MIF4GD: variants seen among roughly 807,000 people sequenced by gnomAD.
The protein encoded by MIF4GD is MIF4G domain-containing protein.
MIF4GD carries 22 observed loss-of-function variants against 26.7 expected under a neutral mutation model. The observed-to-expected ratio is 0.82, with a 90% CI of 0.59 to 1.18. MIF4GD has a LOEUF of 1.18. MIF4GD is among the 50% of genes most tolerant of loss of function. The pLI, the probability that MIF4GD is intolerant of heterozygous loss-of-function variation, is 0.00. For missense variants in MIF4GD, 262 were observed against 279.6 expected (o/e 0.94, Z 0.45); for synonymous variants, 137 against 111.6 (o/e 1.23, Z -1.43).
chr17:75,269,291 C>G, intron 2 of MIF4GD: 1 of 1,602,598 alleles, frequency 6.2e-7, no homozygotes, highest in Non-Finnish European at 8.5e-7. Context: ...TAGGGCCTCC[C>G]AACAGGCTCG....
At chr17:75,269,240 T>C in intron 2 of MIF4GD, 3 of 1,285,086 alleles carry the variant, frequency 2.3e-6, no homozygotes, top group Non-Finnish European at 1.1e-6. Context: ...AAAGTGTTCT[T>C]ATACTACACA....
In MIF4GD at chr17:75,267,813, C is replaced by A; in HGVS notation, c.281G>T (p.Arg94Leu). The A allele has an allele frequency of 6.2e-7, 1 of 1,614,038 alleles. No homozygotes were observed. Among genetic ancestry groups the A allele is most frequent in the Non-Finnish European group, 8.5e-7 (1 of 1,180,014 alleles). ...QQEYQAREQL[R>L]ARSLQGWVCY... ...GACCCAGCCCTGCAGGGAGCGTGCT[C>A]GCAGCTGCTCCCGAGCCTGGTACTC... The change falls in exon 4 of 6, where the codon CGA becomes CTA. Residue 94 changes from arginine (R) to leucine (L), a missense_variant. Arg to Leu is a moderately radical substitution (Grantham distance 102). Transcript: ENST00000325102.
In MIF4GD at chr17:75,268,121, T is replaced by C; in HGVS notation, c.154A>G (p.Ser52Gly). Residue 52 changes from serine (S) to glycine (G), a missense_variant, in exon 3 of 6, where the codon AGC becomes GGC. Physicochemically the swap from Ser to Gly is moderately conservative, Grantham distance 56. Coordinates refer to ENST00000325102, the MANE Select transcript of MIF4GD (RefSeq NM_001370592.1). ...VDHSLQDCVF[S>G]KEAGRMCYAI... is the part of the protein sequence containing the mutation. ...TAGCACATGCGTCCTGCTTCCTTGC[T>C]GAACACACAGTCCTGCAGAGAATGG... 6.2e-7 allele frequency: 1 copy of C among 1,614,228 alleles called. No individual in the cohort carries two copies. The highest frequency in any genetic ancestry group is 8.5e-7 in the Non-Finnish European group (1 of 1,180,030).
chr17:75,270,944 G>C lies in MIF4GD; in HGVS notation c.-51+200C>G, dbSNP rs571556800. 2.0e-5 allele frequency: 3 copies of C among 152,370 alleles called. No homozygotes were observed. The highest frequency in any genetic ancestry group is 2.0e-4 in the Admixed American group (3 of 15,312). 9.4% of individuals were successfully genotyped at this position (152,370 alleles called of 1,614,324 possible). A position where few individuals can be genotyped will look rare whatever the true frequency, so the allele number is the denominator to read the frequency against. ...TCCATTCTGGAGCCTTCCTCTTACT[G>C]GGGGGCAGGATGATGCGCCCCGGAG... On this transcript the variant is annotated intron_variant, in intron 1 of 5. Transcript: ENST00000325102. The surrounding 1 kb of genome is among the most constrained non-coding windows in gnomAD (Gnocchi z 5.7).
chr17:75,268,841 A>G (rs954596954), intron 2 of MIF4GD, among the ~76,000 whole-genome samples: 1 of 151,474 alleles, frequency 6.6e-6, no homozygotes, highest in African/African-American at 2.4e-5. Context: ...CCGTCTCTAC[A>G]AAAATACAAA....
Position 75,266,941 on chromosome 17 carries a change from G to A in MIF4GD, c.468C>T (p.His156=). ...EEVDCLVLQL[H]RVGEQLEKMN... ...TTTTCTCCAGCTGCTCCCCAACCCG[G>A]TGCAGCTGCAGCACCAAACAGTCCA... Residue 156 remains histidine (H), a synonymous_variant, in exon 6 of 6, where the codon CAC becomes CAT. Coordinates refer to ENST00000325102, the MANE Select transcript of MIF4GD (RefSeq NM_001370592.1). 6.2e-7 allele frequency: 1 copy of A among 1,614,002 alleles called. No individual in the cohort carries two copies. The highest frequency in any genetic ancestry group is 8.5e-7 in the Non-Finnish European group (1 of 1,179,998).
In MIF4GD at chr17:75,267,802, G is replaced by A; in HGVS notation, c.292C>T (p.Leu98=). The stretch of plus-strand genomic sequence containing the variant: ...GTGACATAGCAGACCCAGCCCTGCA[G>A]GGAGCGTGCTCGCAGCTGCTCCCGA... ...QAREQLRARS[L]QGWVCYVTFI... is the part of the protein sequence containing the mutation. The change falls in exon 4 of 6, where the codon CTG becomes TTG. Residue 98 remains leucine (L), a synonymous_variant. Coordinates refer to ENST00000325102, the MANE Select transcript of MIF4GD (RefSeq NM_001370592.1). 1 of 1,614,094 alleles carries A rather than the reference G, an allele frequency of 6.2e-7. No homozygotes were observed. Among genetic ancestry groups the A allele is most frequent in the Non-Finnish European group, 8.5e-7 (1 of 1,180,024 alleles).
At position 75,266,830 on chromosome 17, in the gene MIF4GD, C is replaced by G. The variant is rs536784078; in HGVS notation, c.579G>C (p.Leu193=). The G allele has an allele frequency of 6.2e-7, 1 of 1,614,226 alleles. No individual in the cohort carries two copies. Among genetic ancestry groups the G allele is most frequent in the Admixed American group, 1.7e-5 (1 of 60,022 alleles). The change falls in exon 6 of 6, where the codon CTG becomes CTC. Residue 193 remains leucine, a synonymous_variant. Coordinates refer to ENST00000325102, the MANE Select transcript of MIF4GD (RefSeq NM_001370592.1). Reference sequence around the variant, plus strand: ...GGAACTCAATGATCTCCAGCAGCAGCAGCTGGGCCAGGGAGCTGAGGCCAG... The same window carrying G: ...GGAACTCAATGATCTCCAGCAGCAGGAGCTGGGCCAGGGAGCTGAGGCCAG... ...LPTGLSSLAQ[L]LLLEIIEFRA...
rs1479293075 is a variant in MIF4GD, at chr17:75,270,093, C to A, written c.82+21G>T. 1.2e-6 allele frequency: 2 copies of A among 1,611,120 alleles called. No individual in the cohort carries two copies. The highest frequency in any genetic ancestry group is 1.7e-6 in the Non-Finnish European group (2 of 1,177,596). Reference sequence around the variant, plus strand: ...TTCTCTGTAGCTCCTGACCCCAGCTCAGGAGGGGTCCCGTGCTCACCTTTG... The same window carrying A: ...TTCTCTGTAGCTCCTGACCCCAGCTAAGGAGGGGTCCCGTGCTCACCTTTG... On this transcript the variant is annotated intron_variant, in intron 2 of 5. Coordinates refer to ENST00000325102, the MANE Select transcript of MIF4GD (RefSeq NM_001370592.1). This position sits in a 1 kb window ranked among gnomAD's most constrained non-coding sequence, Gnocchi z 5.7.
At position 75,270,066 on chromosome 17, in the gene MIF4GD, C is replaced by CAG. The variant is rs756096874; in HGVS notation, c.82+47_82+48insCT. 1.7e-5 allele frequency: 26 copies of CAG among 1,545,228 alleles called. No individual in the cohort carries two copies. The highest frequency in any genetic ancestry group is 2.3e-5 in the Non-Finnish European group (26 of 1,118,724). Reference sequence around the variant, plus strand: ...AGCCTCTGGTGCTGCCCACAGGGGCCCTTCTCTGTAGCTCCTGACCCCAGC... The same window carrying CAG: ...AGCCTCTGGTGCTGCCCACAGGGGCCAGCTTCTCTGTAGCTCCTGACCCCAGC... On this transcript the variant is annotated intron_variant, in intron 2 of 5. Transcript: ENST00000325102. The surrounding 1 kb of genome is among the most constrained non-coding windows in gnomAD (Gnocchi z 5.7).
intron 2 of MIF4GD, among the ~76,000 whole-genome samples, chr17:75,269,741 C>CT (rs1207377348): frequency 6.8e-4 from 73 of 107,612 alleles, no homozygotes; most frequent in Admixed American, 2.3e-3. Context: ...TCTTTTCTTT[C>CT]TTTTTTTTTT....
chr17:75,269,989 C>T lies in MIF4GD; in HGVS notation c.82+125G>A, dbSNP rs151185966. Reference sequence around the variant, plus strand: ...TCTTCCAGTTCAAGAATTACGTTGCCGACTCCTATCGTCAGAGAATGAGGG... The same window carrying T: ...TCTTCCAGTTCAAGAATTACGTTGCTGACTCCTATCGTCAGAGAATGAGGG... On this transcript the variant is annotated intron_variant, in intron 2 of 5. Coordinates refer to ENST00000325102, the MANE Select transcript of MIF4GD (RefSeq NM_001370592.1). 639 of 773,460 alleles carry T rather than the reference C, an allele frequency of 8.3e-4. 6 individuals carry two copies. In the East Asian group the frequency reaches 0.011, roughly 13 times the overall value. 47.9% of individuals were successfully genotyped at this position (773,460 alleles called of 1,614,324 possible).
chr17:75,268,327 G>C, intron 2 of MIF4GD, 135 bp from the exon 3 acceptor site: 1 of 707,360 alleles, frequency 1.4e-6, no homozygotes, highest in African/African-American at 1.8e-5. Flanking sequence ...ATCATACAGA[G>C]GACAGTGGCT....
Position 75,266,758 on chromosome 17 carries a change from G to A in MIF4GD, c.651C>T (p.Tyr217=), listed in dbSNP as rs750895932. Residue 217 remains tyrosine (Y), a synonymous_variant, in exon 6 of 6, where the codon TAC becomes TAT. Transcript: ENST00000325102. The part of the protein sequence containing the change: ...KTTPAAHKYY[Y]SEVSD Reference sequence around the variant, plus strand: ...TGGAGGCCTAGTCGGAGACTTCGCTGTAGTAATACTTGTGGGCAGCTGGCG... The same window carrying A: ...TGGAGGCCTAGTCGGAGACTTCGCTATAGTAATACTTGTGGGCAGCTGGCG... The A allele has an allele frequency of 8.7e-6, 14 of 1,614,078 alleles. No individual in the cohort carries two copies. The highest frequency in any genetic ancestry group is 1.3e-5 in the African/African-American group (1 of 74,930).
chr17:75,269,556 T>A (rs1373991002), intron 2 of MIF4GD: 59 of 158,642 alleles, frequency 3.7e-4, no homozygotes, highest in East Asian at 2.7e-3. Context: ...AACTTTTTTT[T>A]TTTTTTTTTT....
Position 75,271,078 on chromosome 17 carries a change from C to T in MIF4GD, c.-51+66G>A. ...GAACGCCCCTCCCGGAGGCACAGGG[C>T]GGGCTGCGGAGCCCACGGCCCAGGG... is the stretch of plus-strand genomic sequence containing the variant. On this transcript the variant is annotated intron_variant, in intron 1 of 5. Coordinates refer to ENST00000325102, the MANE Select transcript of MIF4GD (RefSeq NM_001370592.1). This position sits in a 1 kb window ranked among gnomAD's most constrained non-coding sequence, Gnocchi z 4.2. 1 of 151,582 alleles carries T rather than the reference C, an allele frequency of 6.6e-6. No individual in the cohort carries two copies. The highest frequency in any genetic ancestry group is 1.5e-5 in the Non-Finnish European group (1 of 67,780). 9.4% of individuals were successfully genotyped at this position (151,582 alleles called of 1,614,324 possible).
chr17:75,267,087 A>G, intron 5 of MIF4GD, 120 bp from the exon 6 acceptor site: 1 of 798,680 alleles, frequency 1.3e-6, no homozygotes, highest in East Asian at 2.7e-5. Context: ...CTCCCTCCTT[A>G]CCATCCAGTG....
At position 75,267,907 on chromosome 17, in the gene MIF4GD, A is replaced by G; in HGVS notation, c.193-6T>C. ...CCTGCTTGTTTACTCTCTGCCTGTG[A>G]GCCAGGGAGAGGAAGGTGAAGGGTG... is the stretch of plus-strand genomic sequence containing the variant. On this transcript the variant is annotated splice_polypyrimidine_tract_variant and splice_region_variant and intron_variant, in intron 3 of 5. Coordinates refer to ENST00000325102, the MANE Select transcript of MIF4GD (RefSeq NM_001370592.1). 6.2e-7 allele frequency: 1 copy of G among 1,609,842 alleles called. No individual in the cohort carries two copies. The highest frequency in any genetic ancestry group is 8.5e-7 in the Non-Finnish European group (1 of 1,178,104).
At position 75,266,685 on chromosome 17, in the gene MIF4GD, T is replaced by G; in HGVS notation, c.*55A>C. The G allele has an allele frequency of 2.6e-6, 4 of 1,536,164 alleles. No homozygotes were observed. Among genetic ancestry groups the G allele is most frequent in the Non-Finnish European group, 3.6e-6 (4 of 1,109,470 alleles). ...TGAGGCAGAGACTCCACTGCCAGCTTTAGAGGTGGGTAGAAGAAAGGCCAG... is the reference window on the plus strand; with the variant it reads ...TGAGGCAGAGACTCCACTGCCAGCTGTAGAGGTGGGTAGAAGAAAGGCCAG... On this transcript the variant is annotated 3_prime_UTR_variant, in exon 6 of 6. Coordinates refer to ENST00000325102, the MANE Select transcript of MIF4GD (RefSeq NM_001370592.1).
Sources: allele counts gnomAD v4.1 joint callset (sites outside exome capture counted in the v4.1 genomes callset), GRCh38; gene constraint gnomAD v4.1.1; non-coding constraint Gnocchi (gnomAD v3.1); transcripts MANE v1.5; gene names NCBI Gene and HGNC (gene_info 2026-07-23, HGNC 2026-07-21).